The following EPB41L4A variants were observed in gnomAD, a reference collection of about 807,000 sequenced individuals.
EPB41L4A encodes the protein band 4.1-like protein 4A.
EPB41L4A carries 100 observed loss-of-function variants against 108.6 expected under a neutral mutation model. The observed-to-expected ratio is 0.92, with a 90% CI of 0.78 to 1.09. The LOEUF (loss-of-function observed/expected upper bound fraction) is 1.09, where lower values mean the gene tolerates loss of function less well. EPB41L4A is among the 50% of genes least tolerant of loss of function. The pLI is 0.00. For missense variants in EPB41L4A, 1,030 were observed against 842.7 expected (o/e 1.22, Z -2.75); for synonymous variants, 319 against 289.0 (o/e 1.10, Z -1.05).
At chr5:112,417,730 C>T (rs796258506) in intron 1 of EPB41L4A, among the ~76,000 whole-genome samples, 2 of 152,184 alleles carry the variant, frequency 1.3e-5, no homozygotes, top group Admixed American at 6.5e-5. Flanking sequence ...ACTGGGGAAA[C>T]AATATTCAAA....
At chr5:112,219,166 C>G (rs1339873334) in intron 12 of EPB41L4A, among the ~76,000 whole-genome samples, 1 of 152,190 alleles carries the variant, frequency 6.6e-6, no homozygotes, top group Non-Finnish European at 1.5e-5. Flanking sequence ...GTGTCCCCAA[C>G]TCAAATCTCA....
At chr5:112,144,070 G>C (rs1759162176) in intron 13 of EPB41L4A, among the ~76,000 whole-genome samples, 1 of 152,110 alleles carries the variant, frequency 6.6e-6, no homozygotes, top group Non-Finnish European at 1.5e-5. Context: ...ACAGAATTCA[G>C]GGCTCTGTGC....
intron 1 of EPB41L4A, 112 bp downstream of exon 1, chr5:112,418,829 C>G: frequency 2.7e-6 from 2 of 745,386 alleles, no homozygotes. Context: ...TCCTCCCCAC[C>G]GCGCAGAGTC....
At chr5:112,387,320 T>C (rs1760617805) in intron 1 of EPB41L4A, among the ~76,000 whole-genome samples, 1 of 152,166 alleles carries the variant, frequency 6.6e-6, no homozygotes, top group South Asian at 2.1e-4. Context: ...GGTAAAGAAC[T>C]GCCACTGAAG....
intron 9 of EPB41L4A, among the ~76,000 whole-genome samples, chr5:112,241,016 A>C (rs1240299403): frequency 6.6e-6 from 1 of 152,192 alleles, no homozygotes; most frequent in East Asian, 1.9e-4. Flanking sequence ...TTACACTTAA[A>C]TCTTAAAGCA....
chr5:112,296,687 G>C lies in EPB41L4A; in HGVS notation c.204+10699C>G, dbSNP rs562408765. ...TAAGTTCTTTAATGGTGATTTGTGA[G>C]ATTTTGGTGCAACCATCACCCAAGC... On this transcript the variant is annotated intron_variant, in intron 2 of 22. Transcript: ENST00000261486. Among the ~76,000 whole-genome samples, 4 of 152,230 alleles carry C rather than the reference G, an allele frequency of 2.6e-5. No individual in the cohort carries two copies. In the East Asian group the frequency reaches 7.7e-4, roughly 29 times the overall value.
At chr5:112,205,604 A>G in intron 13 of EPB41L4A, 100 bp from the exon 14 acceptor site, 1 of 889,978 alleles carries the variant, frequency 1.1e-6, no homozygotes, top group East Asian at 2.5e-5. Context: ...AAATGTTAAG[A>G]TGTGCACACT....
At chr5:112,195,256 C>G (rs1761904606) in intron 16 of EPB41L4A, among the ~76,000 whole-genome samples, 1 of 151,990 alleles carries the variant, frequency 6.6e-6, no homozygotes, top group African/African-American at 2.4e-5. Context: ...TGCCAAGATG[C>G]CAACACGAAA....
intron 1 of EPB41L4A, among the ~76,000 whole-genome samples, chr5:112,336,922 T>C (rs1430309201): frequency 1.3e-5 from 2 of 152,182 alleles, no homozygotes; most frequent in East Asian, 3.8e-4. Context: ...GACTTCCCTT[T>C]TACAGTCTGT....
chr5:112,278,312 G>A (rs1043979275), intron 3 of EPB41L4A, among the ~76,000 whole-genome samples: 5 of 151,134 alleles, frequency 3.3e-5, no homozygotes, highest in African/African-American at 1.2e-4. Context: ...TGCAGTGGTG[G>A]GATCTCAGGT....
chr5:112,268,403 T>C (rs1422030880), intron 4 of EPB41L4A, among the ~76,000 whole-genome samples: 3 of 151,826 alleles, frequency 2.0e-5, no homozygotes, highest in African/African-American at 7.3e-5. Context: ...AAAAAAACCT[T>C]ATAAACAAAA....
intron 15 of EPB41L4A, among the ~76,000 whole-genome samples, chr5:112,203,480 T>A (rs1295502800): frequency 6.6e-6 from 1 of 152,250 alleles, no homozygotes; most frequent in Non-Finnish European, 1.5e-5. Flanking sequence ...ATTTCACTGA[T>A]GAGTCATTTC....
At position 112,418,927 on chromosome 5, in the gene EPB41L4A, C is replaced by T. The variant is rs1762892586; in HGVS notation, c.99+14G>A. On this transcript the variant is annotated intron_variant, in intron 1 of 22. Coordinates refer to ENST00000261486, the MANE Select transcript of EPB41L4A (RefSeq NM_022140.5). ...TGCCGCCAACCCCCGGAACGCGCTC[C>T]GGGCCGCACCCACCTTGATGCCCTG... 2 of 1,608,168 alleles carry T rather than the reference C, an allele frequency of 1.2e-6. No homozygotes were observed. The highest frequency in any genetic ancestry group is 1.7e-6 in the Non-Finnish European group (2 of 1,175,708).
intron 1 of EPB41L4A, among the ~76,000 whole-genome samples, chr5:112,395,238 G>C (rs1761251104): frequency 6.6e-6 from 1 of 152,130 alleles, no homozygotes; most frequent in Non-Finnish European, 1.5e-5. Context: ...AGCCAAAATT[G>C]ACAAATGGGA....
rs562309181 is a variant in EPB41L4A at position 112,180,446 on chromosome 5, A to G, written c.1622+3570T>C. On this transcript the variant is annotated intron_variant, in intron 18 of 22. Transcript: ENST00000261486. ...AGTCAATTCACTTTCAACAAAGGCC[A>G]CAAGGCATTTCAATGAAAAGTCTTT... 2.6e-5 allele frequency among the ~76,000 whole-genome samples: 4 copies of G among 152,344 alleles called. No homozygotes were observed. In the East Asian group the frequency reaches 7.7e-4, roughly 29 times the overall value.
At chr5:112,365,748 T>A (rs1759084992) in intron 1 of EPB41L4A, among the ~76,000 whole-genome samples, 1 of 152,210 alleles carries the variant, frequency 6.6e-6, no homozygotes, top group East Asian at 1.9e-4. Flanking sequence ...CTTAACCTCC[T>A]CAGATCTGTG....
intron 1 of EPB41L4A, among the ~76,000 whole-genome samples, chr5:112,365,904 C>G (rs1759094306): frequency 6.6e-6 from 1 of 152,146 alleles, no homozygotes; most frequent in Non-Finnish European, 1.5e-5. Context: ...ATGATCAGCG[C>G]AAGGATCTCT....
chr5:112,303,337 G>C (rs978027788), intron 2 of EPB41L4A, among the ~76,000 whole-genome samples: 2 of 152,156 alleles, frequency 1.3e-5, no homozygotes, highest in Non-Finnish European at 2.9e-5. Context: ...GAGTACTCGG[G>C]GGCAGGGAAG....
intron 1 of EPB41L4A, among the ~76,000 whole-genome samples, chr5:112,418,152 C>T (rs771265051): frequency 3.3e-5 from 5 of 152,150 alleles, no homozygotes; most frequent in East Asian, 3.9e-4. Context: ...CAAAACGCTC[C>T]GGATTTAGAT....
Sources: allele counts gnomAD v4.1 joint callset (sites outside exome capture counted in the v4.1 genomes callset), GRCh38; gene constraint gnomAD v4.1.1; transcripts MANE v1.5; gene names NCBI Gene and HGNC (gene_info 2026-07-23, HGNC 2026-07-21).